The following VPS37B variants were observed in gnomAD, a reference collection of about 807,000 sequenced individuals.
The protein encoded by VPS37B is vacuolar protein sorting-associated protein 37B.
A neutral mutation model predicts 21.2 loss-of-function variants in VPS37B; 11 were observed. That is an observed-to-expected ratio of 0.52 (90% CI 0.33 to 0.86). The LOEUF (loss-of-function observed/expected upper bound fraction) is 0.86, where lower values mean the gene tolerates loss of function less well. VPS37B is among the 40% of genes least tolerant of loss of function. The pLI is 0.03. For missense variants in VPS37B, 389 were observed against 374.8 expected (o/e 1.04, Z -0.31); for synonymous variants, 175 against 159.6 (o/e 1.10, Z -0.73).
At chr12:122,872,400 G>A (rs2034057061) in intron 1 of VPS37B, 2 of 985,400 alleles carry the variant, frequency 2.0e-6, no homozygotes, top group African/African-American at 1.7e-5. Context: ...AAACCCAACA[G>A]GATTTAAATG....
chr12:122,872,193 G>C (rs1331734364), intron 1 of VPS37B: 2 of 985,250 alleles, frequency 2.0e-6, no homozygotes, highest in Non-Finnish European at 2.4e-6. Flanking sequence ...ATAGTTCCTG[G>C]TGCGCTCACA....
At position 122,896,114 on chromosome 12, in the gene VPS37B, C is replaced by T. The variant is rs763538454; in HGVS notation, c.-52G>A. On this transcript the variant is annotated 5_prime_UTR_variant, in exon 1 of 4. Coordinates refer to ENST00000267202, the MANE Select transcript of VPS37B (RefSeq NM_024667.3). The stretch of plus-strand genomic sequence containing the variant: ...CGCCGCTGCGGCCACCAGGCTCCGC[C>T]GACCGGAAGCGCCGCCCTCAAGGGC... 2.8e-6 allele frequency: 4 copies of T among 1,437,874 alleles called. No individual in the cohort carries two copies. In the South Asian group the frequency reaches 5.5e-5, roughly 20 times the overall value. The allele number at this position is 1,437,874 out of a possible 1,614,324, so 89.1% of individuals were successfully genotyped here. A position where few individuals can be genotyped will look rare whatever the true frequency, so the allele number is the denominator to read the frequency against.
chr12:122,877,983 G>C (rs1355552737), intron 1 of VPS37B: 1 of 152,220 alleles, frequency 6.6e-6, no homozygotes, highest in African/African-American at 2.4e-5. Flanking sequence ...ACAGGCAATG[G>C]AGACAGAAAA....
intron 1 of VPS37B, chr12:122,886,080 G>C (rs917555715): frequency 1.3e-5 from 2 of 152,138 alleles, no homozygotes; most frequent in African/African-American, 4.8e-5. Context: ...TGAAACTAAG[G>C]TAGCTTTCCT....
intron 1 of VPS37B, among the ~76,000 whole-genome samples, chr12:122,894,578 G>A (rs1472978476): frequency 5.9e-5 from 9 of 152,226 alleles, no homozygotes; most frequent in Admixed American, 2.0e-4. Flanking sequence ...GTAGGCGTGG[G>A]AAGGCTCAGA....
At chr12:122,872,614 C>G (rs1187841652) in intron 1 of VPS37B, 1 of 985,324 alleles carries the variant, frequency 1.0e-6, no homozygotes, top group Non-Finnish European at 1.2e-6. Context: ...GGGCGGCTCT[C>G]CATGGGCTTT....
At chr12:122,888,776 C>A in intron 1 of VPS37B, 1 of 324,758 alleles carries the variant, frequency 3.1e-6, no homozygotes, top group Admixed American at 4.0e-5. Flanking sequence ...CCACTAATAG[C>A]TCCTAGTGGC....
chr12:122,876,220 T>A (rs890880636), intron 1 of VPS37B: 1 of 152,222 alleles, frequency 6.6e-6, no homozygotes, highest in Non-Finnish European at 1.5e-5. Context: ...GTGGTATGAT[T>A]TTTTTACTTT....
chr12:122,887,607 A>G (rs945565404), intron 1 of VPS37B: 1 of 152,278 alleles, frequency 6.6e-6, no homozygotes, highest in African/African-American at 2.4e-5. Flanking sequence ...CTTCTCCAGG[A>G]AACACTCCCT....
At chr12:122,873,202 TGA>T (rs768315381) in intron 1 of VPS37B, 1 of 152,212 alleles carries the variant, frequency 6.6e-6, no homozygotes, top group Non-Finnish European at 1.5e-5. Context: ...ATCCTGGTGC[TGA>T]GAGTGCGTTG....
Position 122,896,102 on chromosome 12 carries a change from A to G in VPS37B, c.-40T>C. 2 of 1,512,416 alleles carry G rather than the reference A, an allele frequency of 1.3e-6. No homozygotes were observed. Among genetic ancestry groups the G allele is most frequent in the South Asian group, 2.5e-5 (2 of 81,444 alleles). 93.7% of individuals were successfully genotyped at this position (1,512,416 alleles called of 1,614,324 possible). On this transcript the variant is annotated 5_prime_UTR_variant, in exon 1 of 4. Coordinates refer to ENST00000267202, the MANE Select transcript of VPS37B (RefSeq NM_024667.3). The stretch of plus-strand genomic sequence containing the variant: ...CGTCGTCGCCACCGCCGCTGCGGCC[A>G]CCAGGCTCCGCCGACCGGAAGCGCC...
rs2033952020 is a variant in VPS37B at position 122,868,374 on chromosome 12, C to T, written c.366+106G>A. 2.9e-6 allele frequency: 3 copies of T among 1,028,290 alleles called. No individual in the cohort carries two copies. The highest frequency in any genetic ancestry group is 4.1e-5 in the Admixed American group (2 of 48,866). The allele number at this position is 1,028,290 out of a possible 1,614,324, so 63.7% of individuals were successfully genotyped here. On this transcript the variant is annotated intron_variant, in intron 3 of 3. Coordinates refer to ENST00000267202, the MANE Select transcript of VPS37B (RefSeq NM_024667.3). The surrounding 1 kb of genome is among the most constrained non-coding windows in gnomAD (Gnocchi z 5.5). ...GTATACAGCCCGTACACCTGGGAGG[C>T]ACCACTCCTGGCCGTGGCGGTGTGG...
chr12:122,871,515 C>T, intron 1 of VPS37B: 1 of 987,312 alleles, frequency 1.0e-6, no homozygotes, highest in Non-Finnish European at 1.2e-6. Flanking sequence ...GCTTCATAAG[C>T]AGGCTAAGAG....
At position 122,867,451 on chromosome 12, in the gene VPS37B, G is replaced by A. The variant is rs748054933; in HGVS notation, c.523C>T (p.Pro175Ser). 3.7e-6 allele frequency: 6 copies of A among 1,613,520 alleles called. No homozygotes were observed. Among genetic ancestry groups the A allele is most frequent in the Non-Finnish European group, 5.1e-6 (6 of 1,179,952 alleles). The part of the protein sequence containing the change: ...KGQRLPQALA[P>S]LPPRLPELAP... ...AGTTCGGGCAGCCTGGGGGGCAGCG[G>A]GGCCAGGGCCTGTGGGAGTCTCTGC... Residue 175 changes from proline (P) to serine (S), a missense_variant, in exon 4 of 4, where the codon CCG (proline) becomes TCG (serine). Coordinates refer to ENST00000267202, the MANE Select transcript of VPS37B (RefSeq NM_024667.3). The surrounding 1 kb of genome is among the most constrained non-coding windows in gnomAD (Gnocchi z 5.5).
At chr12:122,873,030 C>G (rs750752862) in intron 1 of VPS37B, 1 of 152,328 alleles carries the variant, frequency 6.6e-6, no homozygotes, top group Admixed American at 6.5e-5. Context: ...CAAAGGGCCA[C>G]TCACTCCATG....
At chr12:122,892,155 T>C (rs1227519339) in intron 1 of VPS37B, among the ~76,000 whole-genome samples, 1 of 152,086 alleles carries the variant, frequency 6.6e-6, no homozygotes, top group East Asian at 1.9e-4. Flanking sequence ...AAAAATAAAA[T>C]ACATGCATAT....
chr12:122,882,493 A>G (rs1399309981), intron 1 of VPS37B: 1 of 152,230 alleles, frequency 6.6e-6, no homozygotes, highest in Non-Finnish European at 1.5e-5. Flanking sequence ...AAAGTTATCT[A>G]TAACACAAAG....
intron 1 of VPS37B, chr12:122,885,428 C>T (rs953487649): frequency 6.6e-6 from 1 of 151,972 alleles, no homozygotes; most frequent in African/African-American, 2.4e-5. Flanking sequence ...TGTTAAAAAT[C>T]ATGTCATGTA....
chr12:122,871,933 G>C (rs560169248), intron 1 of VPS37B: 300 of 985,220 alleles, frequency 3.0e-4, no homozygotes, highest in Non-Finnish European at 3.6e-4. Flanking sequence ...CCCAGCCGCC[G>C]CCACCTCACT....
Sources: allele counts gnomAD v4.1 joint callset (sites outside exome capture counted in the v4.1 genomes callset), GRCh38; gene constraint gnomAD v4.1.1; non-coding constraint Gnocchi (gnomAD v3.1); transcripts MANE v1.5; gene names NCBI Gene and HGNC (gene_info 2026-07-23, HGNC 2026-07-21).